Variants in FOCAD observed in about 807,000 individuals in gnomAD.
FOCAD encodes the protein KIAA1797.
FOCAD carries 198 observed loss-of-function variants against 225.6 expected under a neutral mutation model. The observed-to-expected ratio is 0.88, with a 90% CI of 0.78 to 0.99. The LOEUF (loss-of-function observed/expected upper bound fraction) is 0.99, where lower values mean the gene tolerates loss of function less well. FOCAD is among the 50% of genes least tolerant of loss of function. The pLI is 0.00. For missense variants in FOCAD, 2,713 were observed against 2,123.6 expected, an observed-to-expected ratio of 1.28 and a Z score of -5.46; for synonymous variants, 897 against 755.0, an observed-to-expected ratio of 1.19 and a Z score of -3.08.
intron 18 of FOCAD, among the ~76,000 whole-genome samples, chr9:20,869,355 A>G (rs74737080): frequency 1.3e-5 from 2 of 152,294 alleles, no homozygotes; most frequent in East Asian, 3.9e-4. Context: ...ATATATATAT[A>G]TAAGATATCC....
chr9:20,695,794 G>A (rs1823320581), intron 1 of FOCAD, among the ~76,000 whole-genome samples: 1 of 152,230 alleles, frequency 6.6e-6, no homozygotes, highest in East Asian at 1.9e-4. Flanking sequence ...AATTGGATAG[G>A]ACCTGGGCAG....
chr9:20,781,860 T>C lies in FOCAD; in HGVS notation c.1128T>C (p.Ser376=), dbSNP rs147163830. 3.3e-4 allele frequency: 530 copies of C among 1,614,020 alleles called. No homozygotes were observed. Among genetic ancestry groups the C allele is most frequent in the Non-Finnish European group, 4.2e-4 (496 of 1,179,976 alleles). ...DCISVDEEGP[S]RQQLALNLLE... is the part of the protein sequence containing the mutation. ...TATCTGTGGATGAAGAAGGTCCCTC[T>C]AGGCAGCAGTTGGCTCTAAACCTTT... Residue 376 remains serine (S), a synonymous_variant, in exon 10 of 44, where the codon TCT becomes TCC. Coordinates refer to ENST00000338382, the MANE Select transcript of FOCAD (RefSeq NM_001375567.1).
At chr9:20,747,009 C>T (rs926376606) in intron 5 of FOCAD, among the ~76,000 whole-genome samples, 2 of 152,174 alleles carry the variant, frequency 1.3e-5, no homozygotes, top group South Asian at 2.1e-4. Context: ...ATTTTGGCTA[C>T]ACAGTCGAGG....
chr9:20,828,921 G>A (rs925963507), intron 15 of FOCAD, among the ~76,000 whole-genome samples: 20 of 152,068 alleles, frequency 1.3e-4, no homozygotes, highest in Non-Finnish European at 4.4e-5. Flanking sequence ...GTTTGCCGAG[G>A]ATAATGACTT....
chr9:20,791,620 C>T (rs1265081722), intron 11 of FOCAD, among the ~76,000 whole-genome samples: 5 of 152,120 alleles, frequency 3.3e-5, no homozygotes, highest in Non-Finnish European at 7.3e-5. Flanking sequence ...AGCCTTATAA[C>T]CTTATATTCA....
chr9:20,825,233 A>G (rs1227533571), intron 15 of FOCAD, among the ~76,000 whole-genome samples: 4 of 151,364 alleles, frequency 2.6e-5, no homozygotes, highest in African/African-American at 7.3e-5. Context: ...TGTTACAGTC[A>G]TAAAGTATAC....
rs1363112599 is a variant in FOCAD, at chr9:20,865,411, T to G, written c.2056-515T>G. Among the ~76,000 whole-genome samples, 4 of 152,072 alleles carry G rather than the reference T, an allele frequency of 2.6e-5. 1 individual carries two copies. The highest frequency in any genetic ancestry group is 9.7e-5 in the African/African-American group (4 of 41,434). On this transcript the variant is annotated intron_variant, in intron 16 of 43. Transcript: ENST00000338382. ...AGACCACCGACTGTTGGAAGGTAAATGGCTTTTATGCTTAATCAATTATTT... is the reference window on the plus strand; with the variant it reads ...AGACCACCGACTGTTGGAAGGTAAAGGGCTTTTATGCTTAATCAATTATTT...
At chr9:20,723,958 A>G (rs1036641658) in intron 4 of FOCAD, among the ~76,000 whole-genome samples, 1 of 152,142 alleles carries the variant, frequency 6.6e-6, no homozygotes, top group Admixed American at 6.5e-5. Flanking sequence ...GGCATGTCAC[A>G]TGGCAAGAGC....
chr9:20,956,531 GTA>G (rs1053965755), intron 35 of FOCAD, among the ~76,000 whole-genome samples: 19 of 152,150 alleles, frequency 1.2e-4, no homozygotes, highest in African/African-American at 4.6e-4. Context: ...ACCATAAAAT[GTA>G]TATTATTTTA....
At position 20,887,015 on chromosome 9, in the gene FOCAD, C is replaced by G. The variant is rs555916717; in HGVS notation, c.2625+1785C>G. The stretch of plus-strand genomic sequence containing the variant: ...TCCATAGTCCTTGAACTGTCATCTT[C>G]TCTCCCAGGTTAATCAGAGAAGATT... On this transcript the variant is annotated intron_variant, in intron 21 of 43. Transcript: ENST00000338382. Among the ~76,000 whole-genome samples the G allele has an allele frequency of 7.9e-5, 12 of 152,286 alleles. No homozygotes were observed. The South Asian group carries it at 2.5e-3, about 32-fold the overall frequency.
chr9:20,948,169 G>A (rs1347481885), intron 30 of FOCAD, 102 bp from the exon 31 acceptor site: 10 of 1,100,116 alleles, frequency 9.1e-6, no homozygotes, highest in Non-Finnish European at 1.2e-5. Flanking sequence ...TTGTCATTAG[G>A]AAAGTTAGCA....
At chr9:20,729,399 C>T (rs1826481985) in intron 4 of FOCAD, among the ~76,000 whole-genome samples, 1 of 152,190 alleles carries the variant, frequency 6.6e-6, no homozygotes, top group African/African-American at 2.4e-5. Context: ...TATCCCTGTA[C>T]TTTCTCTATA....
chr9:20,948,519 A>G, intron 31 of FOCAD, 126 bp downstream of exon 31: 1 of 1,023,372 alleles, frequency 9.8e-7, no homozygotes, highest in Non-Finnish European at 1.4e-6. Flanking sequence ...ATTTTAAATG[A>G]AAGAGATCAC....
chr9:20,740,132 G>T, intron 4 of FOCAD, 104 bp from the exon 5 acceptor site: 1 of 702,572 alleles, frequency 1.4e-6, no homozygotes. Flanking sequence ...ACTGTTTAAT[G>T]TGGGTGGCAA....
At chr9:20,990,566 AAAC>A (rs1841565539) in intron 42 of FOCAD, among the ~76,000 whole-genome samples, 192 bp downstream of exon 42, 1 of 152,224 alleles carries the variant, frequency 6.6e-6, no homozygotes, top group Admixed American at 6.5e-5. Context: ...ACTGCTGATT[AAAC>A]AACAAGGTGG....
At chr9:20,772,520 C>T (rs1424379845) in intron 8 of FOCAD, among the ~76,000 whole-genome samples, 1 of 152,002 alleles carries the variant, frequency 6.6e-6, no homozygotes, top group East Asian at 1.9e-4. Context: ...ACAAGAAAAT[C>T]AAGGGAAGGA....
rs183715819 is a variant in FOCAD, at chr9:20,790,446, G to C, written c.1455+838G>C. Among the ~76,000 whole-genome samples the C allele has an allele frequency of 3.1e-3, 467 of 152,288 alleles. 5 individuals carry two copies. The highest frequency in any genetic ancestry group is 0.011 in the African/African-American group (453 of 41,564). On this transcript the variant is annotated intron_variant, in intron 11 of 43. Coordinates refer to ENST00000338382, the MANE Select transcript of FOCAD (RefSeq NM_001375567.1). ...GATGTGTTCCTAGAGGAAAAAATTT[G>C]ATGGTAGAAAACGGGCAAATGTGTT... is the stretch of plus-strand genomic sequence containing the variant.
At position 20,819,890 on chromosome 9, in the gene FOCAD, G is replaced by T. The variant is rs1405063692; in HGVS notation, c.1550G>T (p.Gly517Val). The T allele has an allele frequency of 2.0e-6, 3 of 1,514,634 alleles. No individual in the cohort carries two copies. In the East Asian group the frequency reaches 7.3e-5, roughly 37 times the overall value. 93.8% of individuals were successfully genotyped at this position (1,514,634 alleles called of 1,614,324 possible). ...ATATTGTATACTTTACCTAAGCTTG[G>T]TGTTCACAAGGTTAGTATGTTAATT... is the stretch of plus-strand genomic sequence containing the variant. ...NDILYTLPKL[G>V]VHKVCIGQIL... The change falls in exon 12 of 44, where the codon GGT (glycine) becomes GTT (valine). Residue 517 changes from glycine (G) to valine (V), a missense_variant. Physicochemically the swap from Gly to Val is moderately radical, Grantham distance 109 (BLOSUM62 -3). Coordinates refer to ENST00000338382, the MANE Select transcript of FOCAD (RefSeq NM_001375567.1).
chr9:20,770,338 T>C, intron 8 of FOCAD, 100 bp downstream of exon 8: 1 of 1,107,242 alleles, frequency 9.0e-7, no homozygotes, highest in Non-Finnish European at 1.3e-6. Flanking sequence ...GCTTACAGTC[T>C]GGCAGGCTGT....
Sources: gnomAD v4.1 joint callset for allele counts (sites outside exome capture counted in the v4.1 genomes callset) on GRCh38, gnomAD v4.1.1 for gene constraint, MANE v1.5 for transcripts, NCBI Gene and HGNC (gene_info 2026-07-23, HGNC 2026-07-21) for gene names.